The following ARHGEF3 variants were observed in gnomAD, a reference collection of about 807,000 sequenced individuals.
ARHGEF3 encodes 59.8 kDA protein.
Under a neutral mutation model 63.2 loss-of-function variants are expected in ARHGEF3, and 28 were observed. That is an observed-to-expected ratio of 0.44 (90% CI 0.33 to 0.61). The LOEUF is 0.61. ARHGEF3 is among the 20% of genes least tolerant of loss of function. The pLI is 0.03. For synonymous variants in ARHGEF3, 266 were observed against 254.2 expected (o/e 1.05, Z -0.44); for missense variants, 533 against 659.3 (o/e 0.81, Z 2.10).
intron 2 of ARHGEF3, chr3:56,960,854 A>G (rs929471557): frequency 6.6e-6 from 1 of 152,186 alleles, no homozygotes; most frequent in East Asian, 1.9e-4. Flanking sequence ...TTAAAACAAA[A>G]TTTTTGGATT....
rs1390317150 is a variant in ARHGEF3, at chr3:57,013,993, T to C, written c.62+21095A>G. Among the ~76,000 whole-genome samples, 3 of 152,332 alleles carry C rather than the reference T, an allele frequency of 2.0e-5. No individual in the cohort carries two copies. In the East Asian group the frequency reaches 5.8e-4, roughly 29 times the overall value. Reference sequence around the variant, plus strand: ...TGCTCTTTGCAATAAATCTTGCTGCTGCTCACTCTTTGGATCTGCACTGCC... The same window carrying C: ...TGCTCTTTGCAATAAATCTTGCTGCCGCTCACTCTTTGGATCTGCACTGCC... On this transcript the variant is annotated intron_variant, in intron 2 of 12. Transcript: ENST00000338458.
At chr3:57,033,921 T>G (rs542105147) in intron 2 of ARHGEF3, among the ~76,000 whole-genome samples, 3 of 152,070 alleles carry the variant, frequency 2.0e-5, no homozygotes, top group East Asian at 3.9e-4. Context: ...GGCGGACACC[T>G]GTAATCCCAG....
At chr3:56,840,630 C>T (rs2039280887) in intron 4 of ARHGEF3, among the ~76,000 whole-genome samples, 1 of 152,142 alleles carries the variant, frequency 6.6e-6, no homozygotes, top group African/African-American at 2.4e-5. Context: ...AAGATGGAAG[C>T]TCATCTCTGC....
chr3:57,016,098 T>C (rs1185702299), intron 2 of ARHGEF3, among the ~76,000 whole-genome samples: 1 of 152,110 alleles, frequency 6.6e-6, no homozygotes, highest in African/African-American at 2.4e-5. Context: ...TGCACAACTA[T>C]CACACAACTA....
At chr3:56,976,922 T>TA (rs1701146237) in intron 2 of ARHGEF3, among the ~76,000 whole-genome samples, 1 of 151,992 alleles carries the variant, frequency 6.6e-6, no homozygotes, top group Admixed American at 6.6e-5. Context: ...CAATGACGGC[T>TA]AAAAAAAGGG....
At chr3:56,844,827 C>T (rs919025691) in intron 4 of ARHGEF3, among the ~76,000 whole-genome samples, 10 of 152,182 alleles carry the variant, frequency 6.6e-5, no homozygotes, top group Admixed American at 1.3e-4. Context: ...CCCCATGATC[C>T]CTGCCTCCTG....
chr3:56,824,867 T>C (rs1189582497), intron 4 of ARHGEF3, among the ~76,000 whole-genome samples: 1 of 152,224 alleles, frequency 6.6e-6, no homozygotes, highest in Non-Finnish European at 1.5e-5. Context: ...TATAACAGGA[T>C]TCTCAGAGTA....
chr3:56,974,630 G>A lies in ARHGEF3; in HGVS notation c.63-15741C>T, dbSNP rs1171702760. Among the ~76,000 whole-genome samples, 32 of 152,104 alleles carry A rather than the reference G, an allele frequency of 2.1e-4. 1 individual carries two copies. Among genetic ancestry groups the A allele is most frequent in the Admixed American group, 2.1e-3 (32 of 15,262 alleles). The stretch of plus-strand genomic sequence containing the variant: ...AATGTTTCTGAAGTGTCCAGAAGTT[G>A]CTTTTAAAAGCAAAGGGATCGTTCT... On this transcript the variant is annotated intron_variant, in intron 2 of 12. Coordinates refer to the ARHGEF3 transcript ENST00000338458.
At chr3:56,767,442 G>A (rs2035765363) in intron 2 of ARHGEF3, among the ~76,000 whole-genome samples, 2 of 151,716 alleles carry the variant, frequency 1.3e-5, no homozygotes, top group Non-Finnish European at 2.9e-5. Flanking sequence ...AAATTAGCCG[G>A]GCGTGGTGGC....
At chr3:56,885,704 GA>G (rs1456707965) in intron 3 of ARHGEF3, among the ~76,000 whole-genome samples, 2 of 152,174 alleles carry the variant, frequency 1.3e-5, no homozygotes, top group African/African-American at 4.8e-5. Flanking sequence ...GTCAAATCCA[GA>G]AGACAAATGG....
chr3:56,968,216 TATATATAATATATATATAA>T (rs1700718268), intron 2 of ARHGEF3, among the ~76,000 whole-genome samples: 1 of 18,948 alleles, frequency 5.3e-5, no homozygotes, highest in Non-Finnish European at 1.3e-4. Flanking sequence ...AAATATATAT[TATATATAATATATATATAA>T]ATATATATAT....
Position 56,991,653 on chromosome 3 carries a change from C to T in ARHGEF3, c.63-32764G>A, listed in dbSNP as rs534494399. 1.3e-4 allele frequency among the ~76,000 whole-genome samples: 20 copies of T among 152,280 alleles called. No individual in the cohort carries two copies. The South Asian group carries it at 2.3e-3, about 17-fold the overall frequency. Reference sequence around the variant, plus strand: ...TTTTTGAGACAGGGTCTCGCTCTGTCGCCCAGGCTGGAGTGCAGTGGCACG... The same window carrying T: ...TTTTTGAGACAGGGTCTCGCTCTGTTGCCCAGGCTGGAGTGCAGTGGCACG... On this transcript the variant is annotated intron_variant, in intron 2 of 12. Transcript: ENST00000338458.
rs1171418316 is a variant in ARHGEF3 at position 57,042,676 on chromosome 3, ATATATATATATATATATATATATATT to A, written c.-27-7526_-27-7501del. Among the ~76,000 whole-genome samples, 102 of 27,690 alleles carry A rather than the reference ATATATATATATATATATATATATATT, an allele frequency of 3.7e-3. 4 individuals carry two copies. The highest frequency in any genetic ancestry group is 0.024 in the African/African-American group (96 of 3,954). The allele number at this position is 27,690 out of a possible 152,430, so 18.2% of individuals were successfully genotyped here. A position where few individuals can be genotyped will look rare whatever the true frequency, so the allele number is the denominator to read the frequency against. ...AATATATATATATATATATATATAT[ATATATATATATATATATATATATATT>A]TTTTTTTTTTTTTAGACGGAGTCTC... On this transcript the variant is annotated intron_variant, in intron 1 of 12. Coordinates refer to the ARHGEF3 transcript ENST00000338458.
At chr3:56,888,190 A>G (rs184250072) in intron 3 of ARHGEF3, among the ~76,000 whole-genome samples, 6 of 151,486 alleles carry the variant, frequency 4.0e-5, no homozygotes, top group African/African-American at 1.5e-4. Context: ...TTGTTTAGAC[A>G]TTGGTCCAAG....
intron 7 of ARHGEF3, among the ~76,000 whole-genome samples, chr3:56,740,351 A>C (rs978326969): frequency 6.6e-6 from 1 of 152,178 alleles, no homozygotes; most frequent in Admixed American, 6.5e-5. Flanking sequence ...TGTCAACCTA[A>C]TATTAAATGT....
chr3:56,752,325 C>T (rs4435603), intron 4 of ARHGEF3, among the ~76,000 whole-genome samples: 60,029 of 151,960 alleles, frequency 0.4, 15,720 homozygotes, highest in African/African-American at 0.73. Flanking sequence ...CCCAAAGTGT[C>T]GGGATTATAG....
intron 1 of ARHGEF3, among the ~76,000 whole-genome samples, chr3:56,782,525 T>G (rs1306125023): frequency 6.6e-6 from 1 of 152,164 alleles, no homozygotes; most frequent in African/African-American, 2.4e-5. Context: ...GCCGTGAGTT[T>G]GGTTGCCAGT....
chr3:56,873,886 ACAAGGGCCCCAT>A (rs2040508754), intron 4 of ARHGEF3, among the ~76,000 whole-genome samples: 2 of 152,206 alleles, frequency 1.3e-5, no homozygotes, highest in African/African-American at 4.8e-5. Flanking sequence ...CCTTCATTTA[ACAAGGGCCCCAT>A]CAAGGTCACT....
intron 3 of ARHGEF3, among the ~76,000 whole-genome samples, chr3:56,896,888 T>C (rs546270541): frequency 3.3e-5 from 5 of 152,244 alleles, no homozygotes; most frequent in African/African-American, 4.8e-5. Flanking sequence ...ATTGGTGACA[T>C]TGGCTTAGAC....
Sources: gnomAD v4.1 joint callset for allele counts (sites outside exome capture counted in the v4.1 genomes callset) on GRCh38, gnomAD v4.1.1 for gene constraint, MANE v1.5 for transcripts, NCBI Gene and HGNC (gene_info 2026-07-23, HGNC 2026-07-21) for gene names.